Variants in PCBP3 observed in about 807,000 individuals in gnomAD.
PCBP3 encodes the protein poly(rC)-binding protein 3.
Under a neutral mutation model 52.7 loss-of-function variants are expected in PCBP3, and 25 were observed. The ratio of observed to expected loss-of-function variants is 0.47; its 90% CI spans 0.35 to 0.66. The LOEUF (loss-of-function observed/expected upper bound fraction) is 0.66, where lower values mean the gene tolerates loss of function less well. PCBP3 is among the 30% of genes least tolerant of loss of function. PCBP3 has a pLI of 0.01. For synonymous variants in PCBP3, 162 were observed against 183.0 expected, an observed-to-expected ratio of 0.89 and a Z score of 0.93; for missense variants, 391 against 490.3, an observed-to-expected ratio of 0.80 and a Z score of 1.91.
intron 4 of PCBP3, among the ~76,000 whole-genome samples, chr21:45,775,967 A>G (rs181630407): frequency 1.3e-3 from 196 of 152,268 alleles, no homozygotes; most frequent in African/African-American, 4.6e-3. Flanking sequence ...TCAGGTAGGC[A>G]TTTATTGCTA....
intron 2 of PCBP3, among the ~76,000 whole-genome samples, chr21:45,722,922 G>A (rs1291101606): frequency 1.3e-5 from 2 of 151,804 alleles, no homozygotes; most frequent in Non-Finnish European, 2.9e-5. Flanking sequence ...GCTGAGGCAG[G>A]AGAATCACTT....
chr21:45,844,313 G>A (rs144935337), intron 4 of PCBP3, among the ~76,000 whole-genome samples: 540 of 152,220 alleles, frequency 3.5e-3, no homozygotes, highest in Non-Finnish European at 6.2e-3. Context: ...CGTTGGGTGG[G>A]AGGTGCCCCA....
chr21:45,914,308 G>A (rs993399667), intron 12 of PCBP3: 1 of 521,098 alleles, frequency 1.9e-6, no homozygotes, highest in Non-Finnish European at 3.3e-6. Flanking sequence ...AGAACTGGGT[G>A]TTTTTAGGAA....
chr21:45,882,000 C>T (rs1181159144), intron 5 of PCBP3, among the ~76,000 whole-genome samples: 1 of 152,198 alleles, frequency 6.6e-6, no homozygotes. Flanking sequence ...CCACAATCAA[C>T]ACGGGCCTGC....
At chr21:45,908,028 T>C (rs1274570147) in intron 9 of PCBP3, among the ~76,000 whole-genome samples, 1 of 152,132 alleles carries the variant, frequency 6.6e-6, no homozygotes, top group Non-Finnish European at 1.5e-5. Flanking sequence ...TTCATACCAA[T>C]CAAAAAATGC....
chr21:45,847,696 T>A (rs953075057), intron 4 of PCBP3, among the ~76,000 whole-genome samples: 4 of 152,228 alleles, frequency 2.6e-5, no homozygotes, highest in African/African-American at 9.6e-5. Flanking sequence ...CCGATCCCCA[T>A]CTGATTTTCT....
rs573468005 is a variant in PCBP3, at chr21:45,676,527, G to T, written c.-200+7575G>T. 1.8e-4 allele frequency among the ~76,000 whole-genome samples: 27 copies of T among 151,982 alleles called. No individual in the cohort carries two copies. The South Asian group carries it at 5.6e-3, about 32-fold the overall frequency. On this transcript the variant is annotated intron_variant, in intron 2 of 17. Coordinates refer to ENST00000681687, the MANE Select transcript of PCBP3 (RefSeq NM_001384156.1). Reference sequence around the variant, plus strand: ...TTTTCATTATTATTATATCTGTTATGGTTATCTGTGGTCAGCGATCTTTGT... The same window carrying T: ...TTTTCATTATTATTATATCTGTTATTGTTATCTGTGGTCAGCGATCTTTGT...
rs1211296102 is a variant in PCBP3 at position 45,827,768 on chromosome 21, C to G, written c.-125-22193C>G. On this transcript the variant is annotated intron_variant, in intron 4 of 17. Transcript: ENST00000681687. The surrounding 1 kb of genome is among the most constrained non-coding windows in gnomAD (Gnocchi z 4.3). ...CTTCATGAGACCTCAATTAAAAGACCCAGAAAGTTTAAAATGAAAGAGATG... is the reference window on the plus strand; with the variant it reads ...CTTCATGAGACCTCAATTAAAAGACGCAGAAAGTTTAAAATGAAAGAGATG... Among the ~76,000 whole-genome samples the G allele has an allele frequency of 6.6e-6, 1 of 152,060 alleles. No individual in the cohort carries two copies. Among genetic ancestry groups the G allele is most frequent in the African/African-American group, 2.4e-5 (1 of 41,396 alleles).
At chr21:45,864,603 G>A (rs1304368304) in intron 5 of PCBP3, among the ~76,000 whole-genome samples, 1 of 152,114 alleles carries the variant, frequency 6.6e-6, no homozygotes, top group Non-Finnish European at 1.5e-5. Flanking sequence ...AGGGTTTGCA[G>A]TGTCTGTGTG....
chr21:45,887,886 A>G (rs2095558568), intron 5 of PCBP3, among the ~76,000 whole-genome samples: 1 of 152,188 alleles, frequency 6.6e-6, no homozygotes, highest in Non-Finnish European at 1.5e-5. Context: ...ATAGATGTCT[A>G]GTACCAGCCC....
intron 5 of PCBP3, among the ~76,000 whole-genome samples, chr21:45,893,463 C>T (rs1381015393): frequency 6.9e-6 from 1 of 145,850 alleles, no homozygotes; most frequent in Admixed American, 6.8e-5. Flanking sequence ...TCTGAAATCC[C>T]CGTGGCCACA....
intron 4 of PCBP3, among the ~76,000 whole-genome samples, chr21:45,785,916 A>G (rs1398189093): frequency 2.0e-5 from 3 of 149,992 alleles, no homozygotes; most frequent in African/African-American, 7.4e-5. Context: ...TGCTTTGTTA[A>G]ACAGACGCTT....
rs755773155 is a variant in PCBP3 at position 45,928,158 on chromosome 21, G to A, written c.718-1759G>A. On this transcript the variant is annotated intron_variant, in intron 13 of 17. Coordinates refer to ENST00000681687, the MANE Select transcript of PCBP3 (RefSeq NM_001384156.1). This position sits in a 1 kb window ranked among gnomAD's most constrained non-coding sequence, Gnocchi z 4.1. ...CCTCCTCCTGCCCCCGCAGGGCCTCGTGTATCTCCGGGAGGTAGACTGTCC... is the reference window on the plus strand; with the variant it reads ...CCTCCTCCTGCCCCCGCAGGGCCTCATGTATCTCCGGGAGGTAGACTGTCC... Among the ~76,000 whole-genome samples the A allele has an allele frequency of 3.3e-5, 5 of 152,208 alleles. No individual in the cohort carries two copies. Among genetic ancestry groups the A allele is most frequent in the South Asian group, 2.1e-4 (1 of 4,834 alleles).
chr21:45,656,548 G>A lies in PCBP3; in HGVS notation c.-278-12326G>A, dbSNP rs558539445. On this transcript the variant is annotated intron_variant, in intron 1 of 17. Transcript: ENST00000681687. This position sits in a 1 kb window ranked among gnomAD's most constrained non-coding sequence, Gnocchi z 4.3. The stretch of plus-strand genomic sequence containing the variant: ...AGGAGAACTACCTAATGTAGATGAC[G>A]GGTTGATGGGTGCAGCAAACCACCG... Among the ~76,000 whole-genome samples the A allele has an allele frequency of 6.6e-6, 1 of 152,138 alleles. No homozygotes were observed. Among genetic ancestry groups the A allele is most frequent in the East Asian group, 1.9e-4 (1 of 5,164 alleles).
intron 1 of PCBP3, among the ~76,000 whole-genome samples, chr21:45,648,556 A>G (rs774262519): frequency 4.6e-5 from 7 of 152,216 alleles, no homozygotes; most frequent in Non-Finnish European, 8.8e-5. Context: ...CCAGGTATGC[A>G]CTTACCACTG....
At chr21:45,898,698 C>T (rs375253897) in intron 6 of PCBP3, among the ~76,000 whole-genome samples, 5 of 40,044 alleles carry the variant, frequency 1.2e-4, no homozygotes, top group Non-Finnish European at 1.7e-4. Flanking sequence ...CCCCTCTGCA[C>T]GCCGTCCTCA....
intron 4 of PCBP3, among the ~76,000 whole-genome samples, chr21:45,790,139 CA>C (rs765381630): frequency 0.013 from 1,929 of 150,068 alleles, 19 homozygotes; most frequent in Non-Finnish European, 0.019. Context: ...GACTCCGTCT[CA>C]AAAAAAAAGA....
intron 1 of PCBP3, among the ~76,000 whole-genome samples, chr21:45,647,657 A>T (rs2079407000): frequency 6.6e-6 from 1 of 152,160 alleles, no homozygotes; most frequent in South Asian, 2.1e-4. Context: ...GGCTGGAGGT[A>T]TGGAAGCATA....
chr21:45,857,067 G>A (rs10854472), intron 5 of PCBP3, among the ~76,000 whole-genome samples: 25,425 of 152,064 alleles, frequency 0.17, 2,342 homozygotes, highest in Middle Eastern at 0.29. Context: ...AATGCTTCCT[G>A]TTCAGACCTT....
Sources: gnomAD v4.1 joint callset for allele counts (sites outside exome capture counted in the v4.1 genomes callset) on GRCh38, gnomAD v4.1.1 for gene constraint, Gnocchi (gnomAD v3.1) non-coding constraint, MANE v1.5 for transcripts, NCBI Gene and HGNC (gene_info 2026-07-23, HGNC 2026-07-21) for gene names.